The following TAF8 variants were observed in gnomAD, a reference collection of about 807,000 sequenced individuals.
The protein encoded by TAF8 is transcription initiation factor TFIID subunit 8.
In TAF8, 47 loss-of-function variants were observed where a neutral mutation model predicts 36.5. That is an observed-to-expected ratio of 1.29 (90% CI 1.02 to 1.64). The LOEUF (loss-of-function observed/expected upper bound fraction) is 1.64. Among genes scored for constraint, TAF8 ranks in the 40% most tolerant of loss-of-function variants. The pLI is 0.00. For synonymous variants in TAF8, 175 were observed against 159.5 expected (o/e 1.10, Z -0.73); for missense variants, 420 against 407.6 (o/e 1.03, Z -0.26).
At chr6:42,065,403 T>C (rs1175270839) in intron 5 of TAF8, among the ~76,000 whole-genome samples, 1 of 152,150 alleles carries the variant, frequency 6.6e-6, no homozygotes, top group African/African-American at 2.4e-5. Flanking sequence ...CTGATCTCAA[T>C]CATTTTCACT....
At chr6:42,069,815 C>A (rs917494836) in intron 7 of TAF8, among the ~76,000 whole-genome samples, 1 of 152,030 alleles carries the variant, frequency 6.6e-6, no homozygotes, top group Non-Finnish European at 1.5e-5. Flanking sequence ...GAAGAGGAGG[C>A]ACATTGAGTC....
At chr6:42,066,245 C>T in intron 5 of TAF8, 67 bp from the exon 6 acceptor site, 1 of 1,590,166 alleles carries the variant, frequency 6.3e-7, no homozygotes, top group Non-Finnish European at 8.5e-7. Flanking sequence ...AACAGCAAGC[C>T]AGGGAGCTGA....
In TAF8 at chr6:42,077,550, A is replaced by G; in HGVS notation, c.*5A>G. 6.2e-7 allele frequency: 1 copy of G among 1,613,022 alleles called. No homozygotes were observed. Among genetic ancestry groups the G allele is most frequent in the African/African-American group, 1.3e-5 (1 of 75,014 alleles). The stretch of plus-strand genomic sequence containing the variant: ...CTTTCTAGGTCCCTCTCCTGAGCTG[A>G]GAAGGAAACCTGGCTTGTACAGGGG... On this transcript the variant is annotated 3_prime_UTR_variant, in exon 9 of 9. Transcript: ENST00000372977.
At position 42,078,639 on chromosome 6, in the gene TAF8, C is replaced by T. The variant is rs916828590; in HGVS notation, c.*1094C>T. Reference sequence around the variant, plus strand: ...CACCTGTCCTCCCGTCGGCATTTGACGAAAGCTCCCTGAAGCGGGGCAGCA... The same window carrying T: ...CACCTGTCCTCCCGTCGGCATTTGATGAAAGCTCCCTGAAGCGGGGCAGCA... On this transcript the variant is annotated 3_prime_UTR_variant, in exon 9 of 9. Transcript: ENST00000372977. 5 of 985,300 alleles carry T rather than the reference C, an allele frequency of 5.1e-6. No individual in the cohort carries two copies. The highest frequency in any genetic ancestry group is 5.2e-4 in the Middle Eastern group (1 of 1,938). The allele number at this position is 985,300 out of a possible 1,614,324, so 61.0% of individuals were successfully genotyped here.
At chr6:42,065,489 TATA>T (rs1216971869) in intron 5 of TAF8, among the ~76,000 whole-genome samples, 2 of 152,368 alleles carry the variant, frequency 1.3e-5, no homozygotes, top group South Asian at 2.1e-4. Context: ...CACTTGCACG[TATA>T]ATAAGATCTT....
chr6:42,085,971 G>GA (rs1252562579), downstream of TAF8, among the ~76,000 whole-genome samples: 3 of 152,146 alleles, frequency 2.0e-5, no homozygotes, highest in African/African-American at 7.2e-5. Flanking sequence ...GTAACAGAGC[G>GA]AGACTCCATC....
chr6:42,065,514 T>A (rs963272501), intron 5 of TAF8, among the ~76,000 whole-genome samples: 1 of 152,230 alleles, frequency 6.6e-6, no homozygotes, highest in Non-Finnish European at 1.5e-5. Flanking sequence ...AGCCTCTCTT[T>A]CTTTGAGGGA....
intron 5 of TAF8, among the ~76,000 whole-genome samples, chr6:42,063,950 AG>A (rs1442693431): frequency 6.6e-6 from 1 of 152,206 alleles, no homozygotes; most frequent in African/African-American, 2.4e-5. Context: ...TTGATGGAAT[AG>A]TAAGTTGGAG....
At chr6:42,053,264 G>GA (rs1349803002) in intron 2 of TAF8, among the ~76,000 whole-genome samples, 2 of 151,936 alleles carry the variant, frequency 1.3e-5, no homozygotes, top group Non-Finnish European at 2.9e-5. Context: ...TGCCACGTTA[G>GA]AAAAAACAAA....
At chr6:42,057,640 C>T (rs1765051458) in intron 5 of TAF8, 127 bp downstream of exon 5, 13 of 1,324,116 alleles carry the variant, frequency 9.8e-6, no homozygotes, top group Non-Finnish European at 1.3e-5. Flanking sequence ...CAGAATGTGG[C>T]CGGGCACATT....
intron 6 of TAF8, among the ~76,000 whole-genome samples, chr6:42,067,327 T>C (rs1397447840): frequency 1.3e-5 from 2 of 152,202 alleles, no homozygotes; most frequent in South Asian, 2.1e-4. Context: ...CCAGCGATTC[T>C]TCTGCTTCAG....
At chr6:42,053,536 G>C (rs1322609813) in intron 2 of TAF8, among the ~76,000 whole-genome samples, 1 of 147,588 alleles carries the variant, frequency 6.8e-6, no homozygotes, top group Non-Finnish European at 1.5e-5. Context: ...TTGTACTCCA[G>C]CCTGGGCAAC....
At chr6:42,084,495 G>T (rs149881590), downstream of TAF8, among the ~76,000 whole-genome samples, 1 of 151,876 alleles carries the variant, frequency 6.6e-6, no homozygotes, top group African/African-American at 2.4e-5. Flanking sequence ...CTGGAGTCTC[G>T]CTCAGTCACC....
chr6:42,086,319 G>A (rs541074667), downstream of TAF8, among the ~76,000 whole-genome samples: 7 of 152,102 alleles, frequency 4.6e-5, no homozygotes, highest in Admixed American at 1.3e-4. Context: ...GTGCTTTTTT[G>A]GAATAGCCTT....
At chr6:42,065,175 A>G (rs1335610054) in intron 5 of TAF8, among the ~76,000 whole-genome samples, 1 of 151,258 alleles carries the variant, frequency 6.6e-6, no homozygotes, top group Non-Finnish European at 1.5e-5. Context: ...ATGAAACCCC[A>G]TCTCTACTAA....
chr6:42,067,787 A>G, intron 6 of TAF8, among the ~76,000 whole-genome samples: 1 of 147,810 alleles, frequency 6.8e-6, no homozygotes. Context: ...CTGGTCTCAA[A>G]CTCCTGGGCT....
At chr6:42,055,859 G>T in intron 3 of TAF8, 93 bp from the exon 4 acceptor site, 1 of 921,662 alleles carries the variant, frequency 1.1e-6, no homozygotes, top group South Asian at 1.4e-5. Context: ...TCATTGAGTT[G>T]AGAGTTTAAG....
chr6:42,084,554 C>T (rs961832385), downstream of TAF8, among the ~76,000 whole-genome samples: 39 of 152,262 alleles, frequency 2.6e-4, no homozygotes, highest in African/African-American at 8.7e-4. Flanking sequence ...CCTCCGCCTC[C>T]TGGGTTCAAG....
Position 42,066,488 on chromosome 6 carries a change from G to T in TAF8, c.637+29G>T, listed in dbSNP as rs201167542. 5.6e-6 allele frequency: 9 copies of T among 1,612,076 alleles called. No individual in the cohort carries two copies. In the African/African-American group the frequency reaches 1.1e-4, roughly 19 times the overall value. On this transcript the variant is annotated intron_variant, in intron 6 of 8. Transcript: ENST00000372977. ...AGAGTTGCCCCACTGTGTGGACCCT[G>T]TCTTATTTGAAACACTCACATTATC...
Sources: gnomAD v4.1 joint callset for allele counts (sites outside exome capture counted in the v4.1 genomes callset) on GRCh38, gnomAD v4.1.1 for gene constraint, MANE v1.5 for transcripts, NCBI Gene and HGNC (gene_info 2026-07-23, HGNC 2026-07-21) for gene names.